Variants in PHC2 observed in about 807,000 individuals in gnomAD.
PHC2 encodes polyhomeotic-like protein 2.
Under a neutral mutation model 87.4 loss-of-function variants are expected in PHC2, and 29 were observed. The ratio of observed to expected loss-of-function variants is 0.33; its 90% CI spans 0.25 to 0.45. PHC2 has a LOEUF of 0.45. PHC2 is among the 20% of genes least tolerant of loss of function. PHC2 has a pLI of 1.00. For synonymous variants in PHC2, 438 were observed against 461.7 expected, an observed-to-expected ratio of 0.95 and a Z score of 0.66; for missense variants, 857 against 1,136.7, an observed-to-expected ratio of 0.75 and a Z score of 3.54.
Position 33,364,406 on chromosome 1 carries a change from A to ACG in PHC2, c.976+2709_976+2710insCG, listed in dbSNP as rs1429694465. Among the ~76,000 whole-genome samples, 2 of 106,932 alleles carry ACG rather than the reference A, an allele frequency of 1.9e-5. No individual in the cohort carries two copies. Among genetic ancestry groups the ACG allele is most frequent in the South Asian group, 3.4e-4 (1 of 2,936 alleles). 70.2% of individuals were successfully genotyped at this position (106,932 alleles called of 152,430 possible). On this transcript the variant is annotated intron_variant, in intron 7 of 14. Transcript: ENST00000683057. The surrounding 1 kb of genome is among the most constrained non-coding windows in gnomAD (Gnocchi z 4.1). ...CACTTGCTTTCACACACACACACAC[A>ACG]CACACACACACACACACACGCTCAA...
chr1:33,350,086 G>A (rs1363433580), intron 9 of PHC2, among the ~76,000 whole-genome samples: 3 of 151,770 alleles, frequency 2.0e-5, no homozygotes, highest in Admixed American at 6.5e-5. Flanking sequence ...TTAGGGAGGC[G>A]GGCGCCACGC....
chr1:33,410,754 G>A (rs1286863326), intron 1 of PHC2, among the ~76,000 whole-genome samples: 1 of 152,242 alleles, frequency 6.6e-6, no homozygotes, highest in East Asian at 1.9e-4. Context: ...CTGGCATTGG[G>A]GGAATGAATC....
At chr1:33,340,456 G>C (rs1277759214) in intron 9 of PHC2, among the ~76,000 whole-genome samples, 1 of 152,190 alleles carries the variant, frequency 6.6e-6, no homozygotes, top group Non-Finnish European at 1.5e-5. Context: ...GTGATGCCCA[G>C]TTAAACCATA....
At position 33,334,044 on chromosome 1, in the gene PHC2, T is replaced by G; in HGVS notation, c.1761+46A>C. ...AAATGTAAAAATATTCTAAGACACATCCAAAATATACTTAAAAAAAAAAGG... is the reference window on the plus strand; with the variant it reads ...AAATGTAAAAATATTCTAAGACACAGCCAAAATATACTTAAAAAAAAAAGG... On this transcript the variant is annotated intron_variant, in intron 10 of 14. Coordinates refer to ENST00000683057, the MANE Select transcript of PHC2 (RefSeq NM_001385109.1). This position sits in a 1 kb window ranked among gnomAD's most constrained non-coding sequence, Gnocchi z 5.5. 1.3e-6 allele frequency: 2 copies of G among 1,495,546 alleles called. No homozygotes were observed. Among genetic ancestry groups the G allele is most frequent in the Non-Finnish European group, 1.8e-6 (2 of 1,092,708 alleles). 92.6% of individuals were successfully genotyped at this position (1,495,546 alleles called of 1,614,324 possible). A position where few individuals can be genotyped will look rare whatever the true frequency, so the allele number is the denominator to read the frequency against.
chr1:33,371,198 C>T (rs1647810990), intron 3 of PHC2, 104 bp from the exon 4 acceptor site: 2 of 901,436 alleles, frequency 2.2e-6, no homozygotes, highest in Non-Finnish European at 3.6e-6. Flanking sequence ...TTAAGGACAA[C>T]AGCCTCTGGA....
intron 1 of PHC2, among the ~76,000 whole-genome samples, chr1:33,390,685 ATTTT>A (rs10616049): frequency 0.015 from 2,183 of 148,246 alleles, 23 homozygotes; most frequent in Non-Finnish European, 0.025. Context: ...AGGAGTCAGC[ATTTT>A]TTTTTTTTTT....
intron 1 of PHC2, among the ~76,000 whole-genome samples, chr1:33,381,230 A>C (rs527735082): frequency 6.6e-6 from 1 of 152,254 alleles, no homozygotes; most frequent in South Asian, 2.1e-4. Flanking sequence ...CCTTACAAGA[A>C]AGTGATTTGC....
intron 7 of PHC2, chr1:33,362,999 G>A (rs917654253): frequency 1.3e-5 from 2 of 152,250 alleles, no homozygotes; most frequent in African/African-American, 4.8e-5. Context: ...AGTGAGATAT[G>A]TAGGTAAAGC....
chr1:33,356,912 G>A (rs1402188647), intron 7 of PHC2, among the ~76,000 whole-genome samples: 1 of 152,176 alleles, frequency 6.6e-6, no homozygotes, highest in Non-Finnish European at 1.5e-5. Flanking sequence ...CGGCGGCCGG[G>A]CGGGGGCTGC....
intron 1 of PHC2, among the ~76,000 whole-genome samples, chr1:33,377,642 C>T (rs1309167341): frequency 7.9e-5 from 12 of 151,858 alleles, no homozygotes; most frequent in Admixed American, 6.6e-4. Context: ...ATTTGTTTGT[C>T]ACCCCATCAC....
At chr1:33,356,144 G>A (rs917448259) in intron 7 of PHC2, among the ~76,000 whole-genome samples, 9 of 151,302 alleles carry the variant, frequency 5.9e-5, no homozygotes, top group Non-Finnish European at 1.3e-4. Context: ...TCTTTTTCCA[G>A]AACCTACCAC....
chr1:33,370,643 C>T lies in PHC2; in HGVS notation c.412-58G>A, dbSNP rs139192586. 226 of 1,493,676 alleles carry T rather than the reference C, an allele frequency of 1.5e-4. No homozygotes were observed. In the African/African-American group the frequency reaches 2.1e-3, roughly 14 times the overall value. The allele number at this position is 1,493,676 out of a possible 1,614,324, so 92.5% of individuals were successfully genotyped here. Reference sequence around the variant, plus strand: ...GAGGTTCTGTTGGTGAGCTGTGTCCCCCTCATCCATTTCTTTCTCCCCCCT... The same window carrying T: ...GAGGTTCTGTTGGTGAGCTGTGTCCTCCTCATCCATTTCTTTCTCCCCCCT... On this transcript the variant is annotated intron_variant, in intron 4 of 14. Coordinates refer to ENST00000683057, the MANE Select transcript of PHC2 (RefSeq NM_001385109.1).
chr1:33,421,945 T>C (rs182290952), intron 1 of PHC2, among the ~76,000 whole-genome samples: 4 of 152,196 alleles, frequency 2.6e-5, no homozygotes, highest in Non-Finnish European at 4.4e-5. Context: ...CAGCTCCCTA[T>C]GGCCTCCACC....
chr1:33,411,541 T>A (rs1186599478), intron 1 of PHC2, among the ~76,000 whole-genome samples: 3 of 151,958 alleles, frequency 2.0e-5, no homozygotes, highest in Non-Finnish European at 4.4e-5. Context: ...AAGAAAGTGA[T>A]CATATGATCA....
At chr1:33,381,030 T>C (rs1005296496) in intron 1 of PHC2, among the ~76,000 whole-genome samples, 1 of 152,222 alleles carries the variant, frequency 6.6e-6, no homozygotes, top group African/African-American at 2.4e-5. Context: ...ATTTTTCATG[T>C]AACCAACTCC....
chr1:33,415,227 G>T lies in PHC2; in HGVS notation c.-55+15749C>A, dbSNP rs546562718. Among the ~76,000 whole-genome samples, 34 of 152,288 alleles carry T rather than the reference G, an allele frequency of 2.2e-4. No individual in the cohort carries two copies. In the East Asian group the frequency reaches 6.6e-3, roughly 29 times the overall value. ...GGAGTTCTATCGACAGGCCTCCCTAGAGTCTTTGACTAAGCACTGGTCTGC... is the reference window on the plus strand; with the variant it reads ...GGAGTTCTATCGACAGGCCTCCCTATAGTCTTTGACTAAGCACTGGTCTGC... On this transcript the variant is annotated intron_variant, in intron 1 of 14. Coordinates refer to ENST00000683057, the MANE Select transcript of PHC2 (RefSeq NM_001385109.1).
chr1:33,345,891 GT>G (rs1319221429), intron 9 of PHC2: 132 of 985,088 alleles, frequency 1.3e-4, no homozygotes, highest in Non-Finnish European at 1.6e-4. Context: ...AATGAAAAAT[GT>G]TAAATAAGTC....
chr1:33,371,032 C>T lies in PHC2; in HGVS notation c.396G>A (p.Pro132=), dbSNP rs777203855. The change falls in exon 4 of 15, where the codon CCG becomes CCA. Residue 132 remains proline, a synonymous_variant. Transcript: ENST00000683057. ...TSGSNVSAQA[P]AQSSSINLAA... is the part of the protein sequence containing the mutation. ...TTCTACTCACCGAAGATGACTGGGCCGGGGCCTGCGCAGACACATTGCTGC... is the reference window on the plus strand; with the variant it reads ...TTCTACTCACCGAAGATGACTGGGCTGGGGCCTGCGCAGACACATTGCTGC... 96 of 1,613,974 alleles carry T rather than the reference C, an allele frequency of 5.9e-5. No homozygotes were observed. The highest frequency in any genetic ancestry group is 4.4e-4 in the South Asian group (40 of 91,076).
intron 9 of PHC2, among the ~76,000 whole-genome samples, chr1:33,352,505 T>C (rs1206048302): frequency 6.6e-6 from 1 of 152,180 alleles, no homozygotes; most frequent in Non-Finnish European, 1.5e-5. Context: ...TCAGTAAATA[T>C]TAACTATTAA....
Sources: allele counts gnomAD v4.1 joint callset (sites outside exome capture counted in the v4.1 genomes callset), GRCh38; gene constraint gnomAD v4.1.1; non-coding constraint Gnocchi (gnomAD v3.1); transcripts MANE v1.5; gene names NCBI Gene and HGNC (gene_info 2026-07-23, HGNC 2026-07-21).